The following LIMCH1 variants were observed in gnomAD, a reference collection of about 807,000 sequenced individuals.
LIMCH1 encodes the protein LIM and calponin homology domains-containing protein 1.
A neutral mutation model predicts 176.5 loss-of-function variants in LIMCH1; 113 were observed. That is an observed-to-expected ratio of 0.64 (90% CI 0.55 to 0.75). The LOEUF is 0.75. LIMCH1 is among the 30% of genes least tolerant of loss of function. The pLI, the probability that LIMCH1 is intolerant of heterozygous loss-of-function variation, is 0.00. For synonymous variants in LIMCH1, 619 were observed against 645.9 expected (o/e 0.96, Z 0.63); for missense variants, 1,674 against 1,814.9 (o/e 0.92, Z 1.41).
Position 41,499,678 on chromosome 4 carries a change from C to T in LIMCH1, c.167+5072C>T, listed in dbSNP as rs527825588. Among the ~76,000 whole-genome samples, 4 of 152,238 alleles carry T rather than the reference C, an allele frequency of 2.6e-5. No homozygotes were observed. In the East Asian group the frequency reaches 7.7e-4, roughly 29 times the overall value. On this transcript the variant is annotated intron_variant, in intron 2 of 26. Coordinates refer to the LIMCH1 transcript ENST00000313860. ...ACTAAAAATACAAAAATTAGCTGGG[C>T]GTGGTGGCGCATGCCTCTAGTCCCA...
chr4:41,560,909 C>G (rs1333789924), intron 1 of LIMCH1, among the ~76,000 whole-genome samples: 1 of 151,570 alleles, frequency 6.6e-6, no homozygotes, highest in African/African-American at 2.4e-5. Flanking sequence ...CCCAACTACT[C>G]TGGAGTCTGA....
intron 20 of LIMCH1, among the ~76,000 whole-genome samples, chr4:41,663,252 C>T (rs1465767188): frequency 6.6e-6 from 1 of 151,648 alleles, no homozygotes; most frequent in Non-Finnish European, 1.5e-5. Context: ...CTCCTGGGTT[C>T]AAGTGATTCT....
At chr4:41,677,268 G>A (rs867623217) in intron 23 of LIMCH1, among the ~76,000 whole-genome samples, 1 of 151,886 alleles carries the variant, frequency 6.6e-6, no homozygotes, top group African/African-American at 2.4e-5. Context: ...AAAATTAGCC[G>A]GGCGTGGTGT....
intron 20 of LIMCH1, 25 bp downstream of exon 20, chr4:41,663,009 G>A (rs775933633): frequency 1.1e-5 from 17 of 1,604,158 alleles, no homozygotes; most frequent in South Asian, 7.8e-5. Flanking sequence ...GGAGGAAAGC[G>A]GTTAAACCCA....
In LIMCH1 at chr4:41,661,523, A is replaced by G. The variant is rs1244650429; in HGVS notation, c.3127+13A>G. The G allele has an allele frequency of 5.1e-6, 8 of 1,553,838 alleles. No homozygotes were observed. Among genetic ancestry groups the G allele is most frequent in the Non-Finnish European group, 7.1e-6 (8 of 1,127,442 alleles). ...CTTGCCTCATCAGGTTTGTTTCATA[A>G]GAGACTAGTTTTAAGGCAAATCATG... is the stretch of plus-strand genomic sequence containing the variant. On this transcript the variant is annotated intron_variant, in intron 19 of 31. Coordinates refer to ENST00000503057, the MANE Select transcript of LIMCH1 (RefSeq NM_001330672.2).
chr4:41,505,968 A>ACT (rs2074111756), intron 2 of LIMCH1, among the ~76,000 whole-genome samples: 1 of 150,246 alleles, frequency 6.7e-6, no homozygotes, highest in Non-Finnish European at 1.5e-5. Context: ...ACACACACAC[A>ACT]CTTTGTATAA....
intron 1 of LIMCH1, among the ~76,000 whole-genome samples, chr4:41,581,869 A>G (rs2085545393): frequency 6.6e-6 from 1 of 150,940 alleles, no homozygotes; most frequent in East Asian, 1.9e-4. Flanking sequence ...TACAGAATTT[A>G]TCTTTGAGTC....
intron 2 of LIMCH1, among the ~76,000 whole-genome samples, chr4:41,502,937 A>ACACACC (rs2073577605): frequency 1.3e-5 from 2 of 150,784 alleles, no homozygotes; most frequent in Non-Finnish European, 2.9e-5. Flanking sequence ...ACACACACAC[A>ACACACC]CCCCAGGTAC....
chr4:41,612,182 T>G (rs2152794562), intron 4 of LIMCH1, among the ~76,000 whole-genome samples: 1 of 152,300 alleles, frequency 6.6e-6, no homozygotes, highest in South Asian at 2.1e-4. Flanking sequence ...ACAGCCACTC[T>G]GTCCCCCGCA....
At chr4:41,427,292 T>C (rs1234810394) in intron 1 of LIMCH1, among the ~76,000 whole-genome samples, 2 of 152,140 alleles carry the variant, frequency 1.3e-5, no homozygotes, top group African/African-American at 4.8e-5. Flanking sequence ...TTCTTCTGAC[T>C]CCAAGGAAGG....
chr4:41,568,202 G>A (rs1436176566), intron 1 of LIMCH1, among the ~76,000 whole-genome samples: 1 of 152,146 alleles, frequency 6.6e-6, no homozygotes, highest in Non-Finnish European at 1.5e-5. Context: ...CAGTAAAATG[G>A]CATTTGAGGA....
chr4:41,633,142 G>A, intron 12 of LIMCH1, 57 bp downstream of exon 12: 1 of 1,260,262 alleles, frequency 7.9e-7, no homozygotes, highest in Non-Finnish European at 1.1e-6. Context: ...GTGTGTGGCT[G>A]TCGTGTTCCC....
upstream of LIMCH1, among the ~76,000 whole-genome samples, chr4:41,360,391 C>T (rs927792666): frequency 1.3e-5 from 2 of 152,040 alleles, no homozygotes; most frequent in Non-Finnish European, 2.9e-5. The surrounding 1 kb of genome is among the most constrained non-coding windows in gnomAD (Gnocchi z 4.5). Flanking sequence ...GCGCGTCTCC[C>T]ATATGATGCC....
intron 2 of LIMCH1, among the ~76,000 whole-genome samples, chr4:41,502,527 A>G (rs1444419649): frequency 1.3e-5 from 2 of 152,208 alleles, no homozygotes; most frequent in East Asian, 3.9e-4. Flanking sequence ...GTTCCCACCA[A>G]CAGTGTAAAG....
intron 21 of LIMCH1, among the ~76,000 whole-genome samples, chr4:41,670,512 A>C (rs2094976851): frequency 6.6e-6 from 1 of 152,202 alleles, no homozygotes; most frequent in Non-Finnish European, 1.5e-5. Flanking sequence ...ACAATAGCAT[A>C]AACTGTCCTG....
At chr4:41,540,019 T>C (rs2078420181) in intron 1 of LIMCH1, among the ~76,000 whole-genome samples, 1 of 152,200 alleles carries the variant, frequency 6.6e-6, no homozygotes, top group African/African-American at 2.4e-5. Context: ...CTTCAGGACA[T>C]AGTATGCAGG....
intron 24 of LIMCH1, among the ~76,000 whole-genome samples, chr4:41,680,630 T>G (rs902061524): frequency 2.0e-5 from 3 of 152,230 alleles, no homozygotes; most frequent in African/African-American, 7.2e-5. Flanking sequence ...AGTTTGTTCA[T>G]GATTAATATT....
At chr4:41,612,087 G>A (rs2091489235) in intron 4 of LIMCH1, among the ~76,000 whole-genome samples, 2 of 152,292 alleles carry the variant, frequency 1.3e-5, no homozygotes, top group South Asian at 4.2e-4. Context: ...CTGTCTGGAG[G>A]CTGCAGGGTG....
At chr4:41,361,070 C>T (rs996206212) in intron 1 of LIMCH1, 10 of 547,406 alleles carry the variant, frequency 1.8e-5, no homozygotes, top group Admixed American at 7.4e-5. Flanking sequence ...TCCAGGTCAC[C>T]CCCCCGGGCC....
Sources: gnomAD v4.1 joint callset for allele counts (sites outside exome capture counted in the v4.1 genomes callset) on GRCh38, gnomAD v4.1.1 for gene constraint, Gnocchi (gnomAD v3.1) non-coding constraint, MANE v1.5 for transcripts, NCBI Gene and HGNC (gene_info 2026-07-23, HGNC 2026-07-21) for gene names.